NUP153: variants seen among roughly 807,000 people sequenced by gnomAD.
NUP153 encodes the protein nuclear pore complex protein Nup153.
Under a neutral mutation model 134.6 loss-of-function variants are expected in NUP153, and 27 were observed. That is an observed-to-expected ratio of 0.20 (90% CI 0.15 to 0.28). The LOEUF is 0.28. Ranked by LOEUF, NUP153 falls within the 10% of genes least tolerant of loss-of-function variation. NUP153 has a pLI of 1.00. For synonymous variants in NUP153, 640 were observed against 623.5 expected (o/e 1.03, Z -0.40); for missense variants, 1,821 against 1,731.3 (o/e 1.05, Z -0.92).
At chr6:17,621,760 A>C (rs1764652108) in intron 20 of NUP153, among the ~76,000 whole-genome samples, 1 of 152,094 alleles carries the variant, frequency 6.6e-6, no homozygotes. Context: ...TAGAAGGAAT[A>C]AATTCTAGTA....
chr6:17,679,988 G>A (rs1768480663), intron 2 of NUP153, among the ~76,000 whole-genome samples: 2 of 152,076 alleles, frequency 1.3e-5, no homozygotes, highest in East Asian at 1.9e-4. Flanking sequence ...GCTGCCTTGC[G>A]TACCCTACCC....
At chr6:17,644,978 C>A (rs954281363) in intron 14 of NUP153, among the ~76,000 whole-genome samples, 17 of 151,708 alleles carry the variant, frequency 1.1e-4, no homozygotes, top group African/African-American at 4.1e-4. Flanking sequence ...GCCAGCTACT[C>A]GGGAGGTTGA....
At chr6:17,671,533 A>AAAGTCTAACAAAT (rs1253821360) in intron 5 of NUP153, among the ~76,000 whole-genome samples, 1 of 152,232 alleles carries the variant, frequency 6.6e-6, no homozygotes, top group Non-Finnish European at 1.5e-5. Flanking sequence ...CCAAATAACA[A>AAAGTCTAACAAAT]AAGTCTAACA....
intron 14 of NUP153, among the ~76,000 whole-genome samples, chr6:17,642,886 T>C (rs1349221754): frequency 6.6e-6 from 1 of 152,212 alleles, no homozygotes; most frequent in East Asian, 1.9e-4. Flanking sequence ...ATAAGAACCT[T>C]GAAACCACTG....
intron 2 of NUP153, among the ~76,000 whole-genome samples, chr6:17,683,717 A>C (rs1768748804): frequency 6.6e-6 from 1 of 150,884 alleles, no homozygotes; most frequent in Admixed American, 6.6e-5. Context: ...CAGTTGCATT[A>C]ACCCCTAATA....
chr6:17,627,798 G>A (rs1765019858), intron 18 of NUP153, among the ~76,000 whole-genome samples: 1 of 152,152 alleles, frequency 6.6e-6, no homozygotes, highest in Non-Finnish European at 1.5e-5. Flanking sequence ...GCCTATTTGT[G>A]GCAAATAGCT....
chr6:17,631,761 T>C (rs1765266800), intron 17 of NUP153, among the ~76,000 whole-genome samples: 1 of 151,794 alleles, frequency 6.6e-6, no homozygotes, highest in Admixed American at 6.6e-5. Flanking sequence ...AGTCAGGAGA[T>C]TGAGACCATC....
At chr6:17,682,924 A>AG (rs1491174001) in intron 2 of NUP153, among the ~76,000 whole-genome samples, 1 of 107,090 alleles carries the variant, frequency 9.3e-6, no homozygotes, top group Non-Finnish European at 2.0e-5. Context: ...TCAAAAAAGA[A>AG]GAAAAAAAAA....
At chr6:17,682,942 A>AC (rs1554145009) in intron 2 of NUP153, among the ~76,000 whole-genome samples, 3 of 150,706 alleles carry the variant, frequency 2.0e-5, no homozygotes, top group Non-Finnish European at 3.0e-5. Flanking sequence ...AAAAAAAAAA[A>AC]CACTTTCTTT....
In NUP153 at chr6:17,629,366, G is replaced by T. The variant is rs1765111635; in HGVS notation, c.2833C>A (p.Pro945Thr). 2 of 1,613,186 alleles carry T rather than the reference G, an allele frequency of 1.2e-6. No individual in the cohort carries two copies. The highest frequency in any genetic ancestry group is 2.7e-5 in the African/African-American group (2 of 74,934). ...GAAAATTTAAAGCCTTCACTCATGG[G>T]GTTTATAGACCCAGAATCGGATGAC... ...GVSSDSGSIN[P>T]MSEGFKFSKP... Residue 945 changes from proline to threonine, a missense_variant, in exon 18 of 22, where the codon CCC becomes ACC. Transcript: ENST00000262077.
At chr6:17,689,389 A>G (rs1769142405) in intron 1 of NUP153, among the ~76,000 whole-genome samples, 1 of 151,722 alleles carries the variant, frequency 6.6e-6, no homozygotes, top group African/African-American at 2.4e-5. Context: ...CTCCATCTCA[A>G]AAAACAAAAC....
intron 15 of NUP153, among the ~76,000 whole-genome samples, chr6:17,639,652 G>A (rs554134956): frequency 6.6e-6 from 1 of 152,272 alleles, no homozygotes; most frequent in Non-Finnish European, 1.5e-5. Flanking sequence ...ATGTCTATGT[G>A]TATCATCAGG....
chr6:17,640,746 A>T (rs1765793734), intron 14 of NUP153, among the ~76,000 whole-genome samples: 1 of 152,062 alleles, frequency 6.6e-6, no homozygotes, highest in African/African-American at 2.4e-5. Context: ...CCTCTCAAGT[A>T]GCCAGGAACA....
intron 2 of NUP153, among the ~76,000 whole-genome samples, chr6:17,687,990 G>A (rs1262463863): frequency 1.3e-5 from 2 of 151,996 alleles, no homozygotes; most frequent in African/African-American, 4.8e-5. Context: ...GTGGTGGCAG[G>A]CGCCTGTAGT....
At chr6:17,631,061 C>A (rs1319773634) in intron 17 of NUP153, among the ~76,000 whole-genome samples, 2 of 152,182 alleles carry the variant, frequency 1.3e-5, no homozygotes, top group Non-Finnish European at 2.9e-5. Context: ...AAAGCACAAA[C>A]TTCTAAAACA....
chr6:17,654,304 A>G (rs1309110540), intron 11 of NUP153, among the ~76,000 whole-genome samples: 3 of 151,862 alleles, frequency 2.0e-5, no homozygotes, highest in Non-Finnish European at 4.4e-5. Context: ...CTGGTTCCTT[A>G]TATTACTGAC....
intron 8 of NUP153, 67 bp downstream of exon 8, chr6:17,668,908 A>G: frequency 9.5e-7 from 1 of 1,050,846 alleles, no homozygotes; most frequent in Non-Finnish European, 1.4e-6. Flanking sequence ...CAATTTGTAT[A>G]CTTGTGAACT....
At position 17,676,178 on chromosome 6, in the gene NUP153, C is replaced by G. The variant is rs142592966; in HGVS notation, c.335-408G>C. 6.2e-3 allele frequency among the ~76,000 whole-genome samples: 938 copies of G among 152,262 alleles called. 7 individuals are homozygous for G. Among genetic ancestry groups the G allele is most frequent in the Middle Eastern group, 0.017 (5 of 292 alleles). On this transcript the variant is annotated intron_variant, in intron 2 of 21. Transcript: ENST00000262077. ...TACTGTTGCTTTTATTTCAATATGTCTAATCTTGACTCCCATCTGAAATTA... is the reference window on the plus strand; with the variant it reads ...TACTGTTGCTTTTATTTCAATATGTGTAATCTTGACTCCCATCTGAAATTA...
rs545014510 is a variant in NUP153 at position 17,695,791 on chromosome 6, T to G, written c.112-7173A>C. Among the ~76,000 whole-genome samples, 3 of 152,034 alleles carry G rather than the reference T, an allele frequency of 2.0e-5. No individual in the cohort carries two copies. The South Asian group carries it at 6.2e-4, about 32-fold the overall frequency. ...TTAGGAGGCCAAGGTGGGCGGATCA[T>G]GAGGTCAGGAGATCGAGACCATCCT... On this transcript the variant is annotated intron_variant, in intron 1 of 21. Coordinates refer to ENST00000262077, the MANE Select transcript of NUP153 (RefSeq NM_005124.4).
Sources: gnomAD v4.1 joint callset for allele counts (sites outside exome capture counted in the v4.1 genomes callset) on GRCh38, gnomAD v4.1.1 for gene constraint, MANE v1.5 for transcripts, NCBI Gene and HGNC (gene_info 2026-07-23, HGNC 2026-07-21) for gene names.